ADAM11: variants seen among roughly 807,000 people sequenced by gnomAD.
The protein encoded by ADAM11 is disintegrin and metalloproteinase domain-containing protein 11.
In ADAM11, 49 loss-of-function variants were observed where a neutral mutation model predicts 119.1. The observed-to-expected ratio is 0.41, with a 90% CI of 0.33 to 0.52. ADAM11 has a LOEUF of 0.52. ADAM11 is among the 20% of genes least tolerant of loss of function. ADAM11 has a pLI of 0.20. For missense variants in ADAM11, 777 were observed against 1,047.5 expected (o/e 0.74, Z 3.56); for synonymous variants, 364 against 408.0 (o/e 0.89, Z 1.30).
At chr17:44,767,161 C>T (rs944925402) in intron 2 of ADAM11, among the ~76,000 whole-genome samples, 8 of 151,972 alleles carry the variant, frequency 5.3e-5, no homozygotes, top group African/African-American at 1.9e-4. Flanking sequence ...CAAGACAAGC[C>T]TGGCCAAGAT....
At chr17:44,765,194 G>A (rs2049432187) in intron 2 of ADAM11, among the ~76,000 whole-genome samples, 1 of 151,272 alleles carries the variant, frequency 6.6e-6, no homozygotes, top group Non-Finnish European at 1.5e-5. Context: ...CACATTGCCG[G>A]GGGTGGGTGG....
At chr17:44,763,689 G>A (rs1024938696) in intron 2 of ADAM11, among the ~76,000 whole-genome samples, 6 of 151,926 alleles carry the variant, frequency 3.9e-5, no homozygotes, top group East Asian at 1.9e-4. Flanking sequence ...GGCCACATGC[G>A]TTCTGACTTG....
chr17:44,772,361 G>A lies in ADAM11; in HGVS notation c.610+28G>A, dbSNP rs1390268811. 1 of 1,581,638 alleles carries A rather than the reference G, an allele frequency of 6.3e-7. No individual in the cohort carries two copies. Among genetic ancestry groups the A allele is most frequent in the Non-Finnish European group, 8.6e-7 (1 of 1,162,498 alleles). Reference sequence around the variant, plus strand: ...AAGGGAGGGAAGGGGGGGTGGGGAGGGGCCGGCTGTGCCCCCCTCACCTGC... The same window carrying A: ...AAGGGAGGGAAGGGGGGGTGGGGAGAGGCCGGCTGTGCCCCCCTCACCTGC... On this transcript the variant is annotated intron_variant, in intron 7 of 26. Coordinates refer to ENST00000200557, the MANE Select transcript of ADAM11 (RefSeq NM_002390.6). This position sits in a 1 kb window ranked among gnomAD's most constrained non-coding sequence, Gnocchi z 4.5.
At chr17:44,759,592 T>C (rs955809091) in intron 1 of ADAM11, 130 bp from the exon 2 acceptor site, 36 of 1,300,996 alleles carry the variant, frequency 2.8e-5, no homozygotes, top group Non-Finnish European at 3.3e-5. Context: ...GGCAGCCAGA[T>C]CCTCCCACCC....
In ADAM11 at chr17:44,775,690, G is replaced by T. The variant is rs955419534; in HGVS notation, c.1485+14G>T. ...CGCCGCTGCAAGGTAAGCAGGACCG[G>T]CCGGGAGGCGGGGCCAGGACGCAGG... is the stretch of plus-strand genomic sequence containing the variant. On this transcript the variant is annotated intron_variant, in intron 17 of 26. Transcript: ENST00000200557. This position sits in a 1 kb window ranked among gnomAD's most constrained non-coding sequence, Gnocchi z 7.5. 3 of 1,563,934 alleles carry T rather than the reference G, an allele frequency of 1.9e-6. No homozygotes were observed. The highest frequency in any genetic ancestry group is 1.2e-5 in the South Asian group (1 of 86,466).
chr17:44,773,555 C>T lies in ADAM11; in HGVS notation c.992+128C>T. ...GGGACTGGGCTCACCTTGCACCTGCCACCTACCCCCAGCCACATGCAACAG... is the reference window on the plus strand; with the variant it reads ...GGGACTGGGCTCACCTTGCACCTGCTACCTACCCCCAGCCACATGCAACAG... On this transcript the variant is annotated intron_variant, in intron 11 of 26. Transcript: ENST00000200557. This position sits in a 1 kb window ranked among gnomAD's most constrained non-coding sequence, Gnocchi z 4.6. 2 of 1,137,066 alleles carry T rather than the reference C, an allele frequency of 1.8e-6. No individual in the cohort carries two copies. Among genetic ancestry groups the T allele is most frequent in the African/African-American group, 3.1e-5 (2 of 64,364 alleles). 70.4% of individuals were successfully genotyped at this position (1,137,066 alleles called of 1,614,324 possible).
Position 44,771,584 on chromosome 17 carries a change from G to A in ADAM11, c.382G>A (p.Gly128Arg). The part of the protein sequence containing the change: ...SREGTTQHST[G>R]AGDHCYYQGK... ...TCTGCTCACTGTTCTGCTCCTTCAG[G>A]GGGCTGGAGACCACTGCTACTACCA... The change falls in exon 5 of 27, where the codon GGG becomes AGG. Residue 128 changes from glycine to arginine, a missense_variant and splice_region_variant. This residue lies in a region of ADAM11 where 278 missense variants were observed against 310.1 expected (regional missense o/e 0.90). Transcript: ENST00000200557. 15 of 1,611,244 alleles carry A rather than the reference G, an allele frequency of 9.3e-6. No individual in the cohort carries two copies. Among genetic ancestry groups the A allele is most frequent in the Non-Finnish European group, 1.3e-5 (15 of 1,179,470 alleles).
Position 44,780,337 on chromosome 17 carries a change from A to G in ADAM11, c.*583A>G. 1 of 356,166 alleles carries G rather than the reference A, an allele frequency of 2.8e-6. No homozygotes were observed. Among genetic ancestry groups the G allele is most frequent in the South Asian group, 2.2e-5 (1 of 46,294 alleles). 22.1% of individuals were successfully genotyped at this position (356,166 alleles called of 1,614,324 possible). On this transcript the variant is annotated 3_prime_UTR_variant, in exon 27 of 27. Transcript: ENST00000200557. ...CCTCCCCAAGGATGACCACACCCGA[A>G]GTCCTGTCACTGAGCACAGTCAGGG...
At chr17:44,770,496 C>T (rs60015991) in intron 4 of ADAM11, among the ~76,000 whole-genome samples, 2 of 80,414 alleles carry the variant, frequency 2.5e-5, no homozygotes, top group African/African-American at 3.6e-5. Context: ...TCTCCCCCCC[C>T]CCCGCCCCCA....
chr17:44,768,757 C>A (rs546416947), intron 2 of ADAM11, among the ~76,000 whole-genome samples: 2 of 152,238 alleles, frequency 1.3e-5, no homozygotes, highest in Non-Finnish European at 2.9e-5. Context: ...TTCCTGCAAC[C>A]TGCCGTCCCC....
In ADAM11 at chr17:44,773,144, C is replaced by T; in HGVS notation, c.825+59C>T. On this transcript the variant is annotated intron_variant, in intron 10 of 26. Coordinates refer to ENST00000200557, the MANE Select transcript of ADAM11 (RefSeq NM_002390.6). The surrounding 1 kb of genome is among the most constrained non-coding windows in gnomAD (Gnocchi z 4.6). ...CTCATGCCCCCCACCCCACCACACA[C>T]ATTAGGGGGCACTGTCAGCCCCTGG... The T allele has an allele frequency of 6.3e-7, 1 of 1,583,702 alleles. No homozygotes were observed. The highest frequency in any genetic ancestry group is 8.7e-7 in the Non-Finnish European group (1 of 1,153,790).
At chr17:44,762,538 C>G in intron 2 of ADAM11, among the ~76,000 whole-genome samples, 1 of 152,106 alleles carries the variant, frequency 6.6e-6, no homozygotes, top group East Asian at 1.9e-4. Context: ...ACTTACTGCC[C>G]TGGTTTGGAA....
intron 4 of ADAM11, among the ~76,000 whole-genome samples, chr17:44,770,783 G>A (rs1214816730): frequency 6.6e-6 from 1 of 152,200 alleles, no homozygotes; most frequent in Admixed American, 6.5e-5. Context: ...AATGTTGCCT[G>A]TTATTCTCAA....
rs1450304017 is a variant in ADAM11 at position 44,775,907 on chromosome 17, C to A, written c.1486-220C>A. Among the ~76,000 whole-genome samples, 1 of 116,680 alleles carries A rather than the reference C, an allele frequency of 8.6e-6. No homozygotes were observed. The highest frequency in any genetic ancestry group is 3.8e-3 in the Middle Eastern group (1 of 262). 76.5% of individuals were successfully genotyped at this position (116,680 alleles called of 152,430 possible). A position where few individuals can be genotyped will look rare whatever the true frequency, so the allele number is the denominator to read the frequency against. On this transcript the variant is annotated intron_variant, in intron 17 of 26. Coordinates refer to ENST00000200557, the MANE Select transcript of ADAM11 (RefSeq NM_002390.6). This position sits in a 1 kb window ranked among gnomAD's most constrained non-coding sequence, Gnocchi z 7.5. ...AAGGCTGCCCAGAATCAAGGAGGGGCGGGAAGGTGGGCGGGCTTGGGGGCG... is the reference window on the plus strand; with the variant it reads ...AAGGCTGCCCAGAATCAAGGAGGGGAGGGAAGGTGGGCGGGCTTGGGGGCG...
rs2049584508 is a variant in ADAM11, at chr17:44,775,353, C to T, written c.1321-41C>T. The stretch of plus-strand genomic sequence containing the variant: ...GGGGAGCATGGGAGCGGGCCCTGGG[C>T]GGGGTCCGGGCCAGACTCCCGACCT... On this transcript the variant is annotated intron_variant, in intron 15 of 26. Transcript: ENST00000200557. The surrounding 1 kb of genome is among the most constrained non-coding windows in gnomAD (Gnocchi z 7.5). 2 of 1,613,058 alleles carry T rather than the reference C, an allele frequency of 1.2e-6. No homozygotes were observed. The highest frequency in any genetic ancestry group is 2.2e-5 in the East Asian group (1 of 44,842).
At chr17:44,764,039 G>A (rs1159436673) in intron 2 of ADAM11, among the ~76,000 whole-genome samples, 1 of 152,190 alleles carries the variant, frequency 6.6e-6, no homozygotes, top group Middle Eastern at 3.4e-3. Context: ...TTTCTAATTT[G>A]CACCAAGCTG....
chr17:44,759,385 G>C, intron 1 of ADAM11, 125 bp downstream of exon 1: 2 of 1,264,078 alleles, frequency 1.6e-6, no homozygotes, highest in Non-Finnish European at 2.0e-6. Flanking sequence ...AGCGCGGGAG[G>C]GTAGGGGAGC....
In ADAM11 at chr17:44,776,617, A is replaced by G. The variant is rs1182964739; in HGVS notation, c.1567-128A>G. 4 of 1,180,704 alleles carry G rather than the reference A, an allele frequency of 3.4e-6. No homozygotes were observed. Among genetic ancestry groups the G allele is most frequent in the Non-Finnish European group, 3.6e-6 (3 of 841,240 alleles). 73.1% of individuals were successfully genotyped at this position (1,180,704 alleles called of 1,614,324 possible). ...CAGAACCAGACAGATCGCTTGTCCT[A>G]GGCGTGGAAGAGCCCTGTGGCATGA... is the stretch of plus-strand genomic sequence containing the variant. On this transcript the variant is annotated intron_variant, in intron 18 of 26. Transcript: ENST00000200557. This position sits in a 1 kb window ranked among gnomAD's most constrained non-coding sequence, Gnocchi z 5.2.
Position 44,775,859 on chromosome 17 carries a change from G to A in ADAM11, c.1485+183G>A, listed in dbSNP as rs558813547. 5.3e-5 allele frequency among the ~76,000 whole-genome samples: 8 copies of A among 152,148 alleles called. No homozygotes were observed. In the East Asian group the frequency reaches 7.7e-4, roughly 15 times the overall value. On this transcript the variant is annotated intron_variant, in intron 17 of 26. Coordinates refer to ENST00000200557, the MANE Select transcript of ADAM11 (RefSeq NM_002390.6). The surrounding 1 kb of genome is among the most constrained non-coding windows in gnomAD (Gnocchi z 7.5). ...GGCGGGGCTGAAGGATGTTGAAGGCGGGGCTACGAGGAGCGGGAAGGGAAG... is the reference window on the plus strand; with the variant it reads ...GGCGGGGCTGAAGGATGTTGAAGGCAGGGCTACGAGGAGCGGGAAGGGAAG...
Sources: gnomAD v4.1 joint callset for allele counts (sites outside exome capture counted in the v4.1 genomes callset) on GRCh38, gnomAD v4.1.1 for gene constraint, gnomAD v4.1.1 regional missense constraint, Gnocchi (gnomAD v3.1) non-coding constraint, MANE v1.5 for transcripts, NCBI Gene and HGNC (gene_info 2026-07-23, HGNC 2026-07-21) for gene names.